MAPRE3: variants seen among roughly 807,000 people sequenced by gnomAD.
MAPRE3 encodes microtubule-associated protein RP/EB family member 3.
In MAPRE3, 2 loss-of-function variants were observed where a neutral mutation model predicts 30.5. The observed-to-expected ratio is 0.07, with a 90% CI of 0.03 to 0.21. The LOEUF (loss-of-function observed/expected upper bound fraction) is 0.21, where lower values mean the gene tolerates loss of function less well. MAPRE3 is among the 10% of genes least tolerant of loss of function. The pLI is 1.00. For missense variants in MAPRE3, 204 were observed against 351.8 expected (o/e 0.58, Z 3.36); for synonymous variants, 110 against 127.7 (o/e 0.86, Z 0.93).
In MAPRE3 at chr2:27,023,674, GACA is replaced by G. The variant is rs1667162464; in HGVS notation, c.267+201_267+203del. 5 of 625,096 alleles carry G rather than the reference GACA, an allele frequency of 8.0e-6. No individual in the cohort carries two copies. The East Asian group carries it at 1.4e-4, about 18-fold the overall frequency. 38.7% of individuals were successfully genotyped at this position (625,096 alleles called of 1,614,324 possible). On this transcript the variant is annotated intron_variant, in intron 3 of 6. Coordinates refer to ENST00000233121, the MANE Select transcript of MAPRE3 (RefSeq NM_012326.4). ...CCCACAACACTTGCCATGCCATCATGACAACATTCCTTTCCCTTCCTCCTCTCT... is the reference window on the plus strand; with the variant it reads ...CCCACAACACTTGCCATGCCATCATGACATTCCTTTCCCTTCCTCCTCTCT...
intron 1 of MAPRE3, among the ~76,000 whole-genome samples, chr2:26,996,267 C>G (rs1666458096): frequency 6.6e-6 from 1 of 151,858 alleles, no homozygotes; most frequent in African/African-American, 2.4e-5. Flanking sequence ...TGATCCTCCC[C>G]ACTCAGCCTC....
chr2:26,975,391 G>A (rs566603579), intron 1 of MAPRE3, among the ~76,000 whole-genome samples: 1 of 152,152 alleles, frequency 6.6e-6, no homozygotes, highest in Admixed American at 6.5e-5. Context: ...GTGAGCAGAG[G>A]TAAAGGGAGG....
chr2:27,016,108 G>C (rs1666976896), intron 1 of MAPRE3, among the ~76,000 whole-genome samples: 1 of 152,150 alleles, frequency 6.6e-6, no homozygotes, highest in Admixed American at 6.5e-5. Context: ...TTCAGAGCAG[G>C]CTTTCCCCAA....
At chr2:26,987,274 G>C (rs1193704350) in intron 1 of MAPRE3, among the ~76,000 whole-genome samples, 1 of 152,180 alleles carries the variant, frequency 6.6e-6, no homozygotes, top group Non-Finnish European at 1.5e-5. Context: ...CAAAGAGGTA[G>C]AGTTGCGACT....
At chr2:26,997,674 C>A (rs1043208975) in intron 1 of MAPRE3, among the ~76,000 whole-genome samples, 2 of 152,086 alleles carry the variant, frequency 1.3e-5, no homozygotes, top group Non-Finnish European at 2.9e-5. Flanking sequence ...GGTTGGGAAT[C>A]CCTGGTAGAA....
chr2:26,995,823 G>GTGTGTGTA (rs1396827624), intron 1 of MAPRE3, among the ~76,000 whole-genome samples: 3 of 150,168 alleles, frequency 2.0e-5, no homozygotes, highest in Non-Finnish European at 3.0e-5. Flanking sequence ...GTGTGTGTGT[G>GTGTGTGTA]TGTGTGTATG....
chr2:27,018,692 A>T (rs1489212968), intron 1 of MAPRE3, among the ~76,000 whole-genome samples: 1 of 151,634 alleles, frequency 6.6e-6, no homozygotes, highest in African/African-American at 2.4e-5. Flanking sequence ...GCATCCATCC[A>T]CCCATCCACT....
intron 1 of MAPRE3, among the ~76,000 whole-genome samples, chr2:26,984,016 T>C (rs1666168539): frequency 1.3e-5 from 2 of 152,226 alleles, no homozygotes; most frequent in Non-Finnish European, 2.9e-5. Flanking sequence ...TCCACAGTTA[T>C]TCCTCTGAAG....
Position 27,026,445 on chromosome 2 carries a change from T to G in MAPRE3, c.*97T>G. 2 of 1,116,836 alleles carry G rather than the reference T, an allele frequency of 1.8e-6. No individual in the cohort carries two copies. The highest frequency in any genetic ancestry group is 1.5e-5 in the South Asian group (1 of 68,144). The allele number at this position is 1,116,836 out of a possible 1,614,324, so 69.2% of individuals were successfully genotyped here. ...TCCTTTCCTAACACGGTCGGCCGGG[T>G]GCTTTGTGTCAGTGCTGCAGCACTG... On this transcript the variant is annotated 3_prime_UTR_variant, in exon 7 of 7. Transcript: ENST00000233121.
At chr2:27,016,676 G>T (rs529370866) in intron 1 of MAPRE3, among the ~76,000 whole-genome samples, 5 of 152,084 alleles carry the variant, frequency 3.3e-5, no homozygotes, top group Admixed American at 6.6e-5. Flanking sequence ...GAGCCACCGC[G>T]CCTGGCAGGT....
At chr2:26,987,148 G>A (rs1439234741) in intron 1 of MAPRE3, among the ~76,000 whole-genome samples, 1 of 152,032 alleles carries the variant, frequency 6.6e-6, no homozygotes, top group African/African-American at 2.4e-5. Context: ...TTTCCTCCTT[G>A]TATATCAGTG....
At chr2:26,995,709 A>T (rs969024077) in intron 1 of MAPRE3, among the ~76,000 whole-genome samples, 2 of 151,610 alleles carry the variant, frequency 1.3e-5, no homozygotes, top group Non-Finnish European at 1.5e-5. Flanking sequence ...AGTTAAGAAC[A>T]GTTCTTAAGT....
chr2:27,007,951 G>A (rs1406434784), intron 1 of MAPRE3, among the ~76,000 whole-genome samples: 1 of 152,192 alleles, frequency 6.6e-6, no homozygotes, highest in Non-Finnish European at 1.5e-5. Context: ...TGGGAGGGTA[G>A]GGATGTTACG....
At chr2:27,010,579 A>C (rs1666831806) in intron 1 of MAPRE3, among the ~76,000 whole-genome samples, 1 of 151,894 alleles carries the variant, frequency 6.6e-6, no homozygotes, top group South Asian at 2.1e-4. Context: ...AGAAGCTGAG[A>C]TTACAGGTGC....
At chr2:27,003,699 C>T (rs1437435083) in intron 1 of MAPRE3, among the ~76,000 whole-genome samples, 1 of 152,204 alleles carries the variant, frequency 6.6e-6, no homozygotes, top group East Asian at 1.9e-4. Flanking sequence ...CTCACTTTCC[C>T]CATGAGAGGG....
intron 1 of MAPRE3, among the ~76,000 whole-genome samples, chr2:26,977,797 C>T (rs184596673): frequency 1.4e-4 from 21 of 152,346 alleles, no homozygotes; most frequent in African/African-American, 4.8e-4. Context: ...CCCATCCACA[C>T]ACACACACTG....
intron 4 of MAPRE3, among the ~76,000 whole-genome samples, chr2:27,024,957 G>A (rs994499308): frequency 1.1e-4 from 16 of 152,124 alleles, no homozygotes; most frequent in African/African-American, 3.9e-4. Context: ...TGCCCCACTC[G>A]CCCGCCTGCT....
intron 1 of MAPRE3, among the ~76,000 whole-genome samples, chr2:27,018,919 A>AT (rs1266935379): frequency 1.1e-4 from 17 of 150,724 alleles, no homozygotes; most frequent in African/African-American, 1.7e-4. Context: ...TTATTTATTT[A>AT]TTTATTTATT....
At position 27,022,152 on chromosome 2, in the gene MAPRE3, G is replaced by T. The variant is rs1165242837; in HGVS notation, c.-7-60G>T. The T allele has an allele frequency of 9.5e-6, 15 of 1,582,372 alleles. No homozygotes were observed. The African/African-American group carries it at 1.9e-4, about 20-fold the overall frequency. On this transcript the variant is annotated intron_variant, in intron 1 of 6. Coordinates refer to ENST00000233121, the MANE Select transcript of MAPRE3 (RefSeq NM_012326.4). Reference sequence around the variant, plus strand: ...CAGTATCATACAGCCCCTCTCTCTTGACAGCTAAGGAGCTACATGAGGCCC... The same window carrying T: ...CAGTATCATACAGCCCCTCTCTCTTTACAGCTAAGGAGCTACATGAGGCCC...
Sources: allele counts gnomAD v4.1 joint callset (sites outside exome capture counted in the v4.1 genomes callset), GRCh38; gene constraint gnomAD v4.1.1; transcripts MANE v1.5; gene names NCBI Gene and HGNC (gene_info 2026-07-23, HGNC 2026-07-21).